The following PPARGC1A variants were observed in gnomAD, a reference collection of about 807,000 sequenced individuals.
PPARGC1A encodes the protein peroxisome proliferator-activated receptor gamma coactivator 1-alpha.
A neutral mutation model predicts 88.7 loss-of-function variants in PPARGC1A; 25 were observed. That is an observed-to-expected ratio of 0.28 (90% confidence interval 0.21 to 0.39). The LOEUF (loss-of-function observed/expected upper bound fraction) is 0.39, where lower values mean the gene tolerates loss of function less well. Among genes scored for constraint, PPARGC1A ranks in the 10% least tolerant of loss-of-function variants. PPARGC1A has a pLI of 1.00. For synonymous variants in PPARGC1A, 363 were observed against 355.6 expected (o/e 1.02, Z -0.24); for missense variants, 880 against 968.7 (o/e 0.91, Z 1.22).
the PPARGC1A span, among the ~76,000 whole-genome samples, chr4:24,122,416 CAT>C: frequency 0.19 from 24,568 of 125,992 alleles, 2,714 homozygotes; most frequent in East Asian, 0.36. Context: ...TGTGTGTGTG[CAT>C]ATATATATAT....
chr4:24,274,698 T>C, the PPARGC1A span, among the ~76,000 whole-genome samples: 39 of 152,294 alleles, frequency 2.6e-4, no homozygotes, highest in African/African-American at 8.7e-4. Flanking sequence ...CTGCCATAAC[T>C]TGCCAACCCT....
rs551971431 is a variant in PPARGC1A at position 23,831,842 on chromosome 4, A to G, written c.235-91T>C. The G allele has an allele frequency of 1.6e-5, 16 of 1,017,204 alleles. No individual in the cohort carries two copies. In the African/African-American group the frequency reaches 2.2e-4, roughly 14 times the overall value. 63.0% of individuals were successfully genotyped at this position (1,017,204 alleles called of 1,614,324 possible). A position where few individuals can be genotyped will look rare whatever the true frequency, so the allele number is the denominator to read the frequency against. On this transcript the variant is annotated intron_variant, in intron 2 of 12. Coordinates refer to ENST00000264867, the MANE Select transcript of PPARGC1A (RefSeq NM_013261.5). ...ACATGTTTGACCAAATGAGTGAACC[A>G]TACGTGAAATCTAGAATGCCCATTC...
chr4:24,045,936 T>C, the PPARGC1A span, among the ~76,000 whole-genome samples: 47 of 152,270 alleles, frequency 3.1e-4, no homozygotes, highest in African/African-American at 1.1e-3. Flanking sequence ...CAAGCCATGA[T>C]ATTATTTGTT....
the PPARGC1A span, among the ~76,000 whole-genome samples, chr4:24,405,476 T>C: frequency 1.1e-4 from 17 of 152,200 alleles, no homozygotes; most frequent in African/African-American, 4.1e-4. Flanking sequence ...GCAGCTGTGG[T>C]AGGCAGTGAA....
the PPARGC1A span, among the ~76,000 whole-genome samples, chr4:24,003,959 A>G: frequency 6.6e-6 from 1 of 152,186 alleles, no homozygotes; most frequent in Non-Finnish European, 1.5e-5. Flanking sequence ...CTGTCATTAT[A>G]TAAACAGCAA....
the PPARGC1A span, among the ~76,000 whole-genome samples, chr4:23,981,663 C>T: frequency 6.6e-6 from 1 of 152,146 alleles, no homozygotes; most frequent in African/African-American, 2.4e-5. Context: ...GACCAGAACC[C>T]CCTAATACAG....
chr4:24,119,616 A>G, the PPARGC1A span, among the ~76,000 whole-genome samples: 1 of 152,084 alleles, frequency 6.6e-6, no homozygotes, highest in Admixed American at 6.5e-5. Context: ...ACTTAGCACA[A>G]AAATTTATAA....
the PPARGC1A span, among the ~76,000 whole-genome samples, chr4:23,977,054 GGAA>G: frequency 4.6e-5 from 7 of 151,726 alleles, no homozygotes; most frequent in South Asian, 2.1e-4. Context: ...AAGAGGAAGA[GGAA>G]GAAGAAGAAG....
intron 12 of PPARGC1A, among the ~76,000 whole-genome samples, chr4:23,800,734 T>C (rs1396876515): frequency 1.3e-5 from 2 of 151,860 alleles, no homozygotes; most frequent in East Asian, 3.9e-4. Flanking sequence ...TTTTAATTTT[T>C]TTCTTAATAC....
At chr4:24,240,578 G>A in the PPARGC1A span, among the ~76,000 whole-genome samples, 1 of 152,188 alleles carries the variant, frequency 6.6e-6, no homozygotes, top group African/African-American at 2.4e-5. Flanking sequence ...CCCTGTAGGA[G>A]GGGGAAAAAT....
the PPARGC1A span, among the ~76,000 whole-genome samples, chr4:24,337,102 A>G: frequency 6.6e-6 from 1 of 152,168 alleles, no homozygotes; most frequent in Non-Finnish European, 1.5e-5. Flanking sequence ...CAAATCCCTT[A>G]CCACACTAAG....
chr4:24,283,856 T>C, the PPARGC1A span, among the ~76,000 whole-genome samples: 2 of 152,240 alleles, frequency 1.3e-5, no homozygotes, highest in South Asian at 4.1e-4. Context: ...ATTAAACAAG[T>C]CAATATGTAT....
the PPARGC1A span, among the ~76,000 whole-genome samples, chr4:24,179,573 C>G: frequency 6.6e-6 from 1 of 152,172 alleles, no homozygotes; most frequent in East Asian, 1.9e-4. Context: ...CAGCTACCCT[C>G]TTTAGCCCAG....
the PPARGC1A span, among the ~76,000 whole-genome samples, chr4:24,265,142 A>G: frequency 6.6e-6 from 1 of 152,190 alleles, no homozygotes; most frequent in African/African-American, 2.4e-5. Context: ...GGGTTTGTTA[A>G]AAGAACAAAT....
the PPARGC1A span, among the ~76,000 whole-genome samples, chr4:24,335,494 G>GTCTT: frequency 6.6e-6 from 1 of 152,052 alleles, no homozygotes; most frequent in Non-Finnish European, 1.5e-5. Context: ...AATATCAGAA[G>GTCTT]TCTTTGTGAA....
At chr4:24,387,934 G>GAGAA in the PPARGC1A span, among the ~76,000 whole-genome samples, 451 of 71,276 alleles carry the variant, frequency 6.3e-3, 25 homozygotes, top group African/African-American at 0.029. Context: ...AAGAAAGAAA[G>GAGAA]AGAAAGAAAG....
the PPARGC1A span, among the ~76,000 whole-genome samples, chr4:24,386,329 CACAAG>C: frequency 6.6e-6 from 1 of 152,158 alleles, no homozygotes; most frequent in Admixed American, 6.5e-5. Context: ...TGAAAACCGG[CACAAG>C]ACAAGGATGC....
the PPARGC1A span, among the ~76,000 whole-genome samples, chr4:24,203,938 G>A: frequency 5.9e-5 from 9 of 152,342 alleles, no homozygotes; most frequent in East Asian, 9.6e-4. Context: ...CTAGCGTAGA[G>A]CATAACCTCC....
At chr4:24,112,492 C>G in the PPARGC1A span, among the ~76,000 whole-genome samples, 1 of 152,140 alleles carries the variant, frequency 6.6e-6, no homozygotes, top group Non-Finnish European at 1.5e-5. Flanking sequence ...TTTCTGACAT[C>G]AAGACTAAGT....
Sources: gnomAD v4.1 joint callset for allele counts (sites outside exome capture counted in the v4.1 genomes callset) on GRCh38, gnomAD v4.1.1 for gene constraint, MANE v1.5 for transcripts, NCBI Gene and HGNC (gene_info 2026-07-23, HGNC 2026-07-21) for gene names.